Variants in COX10 observed in about 807,000 individuals in gnomAD.
COX10 encodes the protein protoheme IX farnesyltransferase, mitochondrial.
In COX10, 27 loss-of-function variants were observed where a neutral mutation model predicts 37.3. The ratio of observed to expected loss-of-function variants is 0.72; its 90% CI spans 0.53 to 1.00. COX10 has a LOEUF of 1.00. Among genes scored for constraint, COX10 ranks in the 50% least tolerant of loss-of-function variants. The pLI, the probability that COX10 is intolerant of heterozygous loss-of-function variation, is 0.00. For missense variants in COX10, 475 were observed against 563.2 expected (o/e 0.84, Z 1.59); for synonymous variants, 222 against 229.1 (o/e 0.97, Z 0.28).
chr17:14,164,183 T>C (rs1180278125), intron 5 of COX10, among the ~76,000 whole-genome samples: 2 of 152,246 alleles, frequency 1.3e-5, no homozygotes, highest in Non-Finnish European at 2.9e-5. Context: ...TGTCCCATCA[T>C]GGTTTTTGAG....
At chr17:14,117,715 A>G (rs1227808366) in intron 4 of COX10, among the ~76,000 whole-genome samples, 1 of 152,076 alleles carries the variant, frequency 6.6e-6, no homozygotes, top group South Asian at 2.1e-4. Flanking sequence ...AGCTCCTGAA[A>G]CCCAAGTGGG....
chr17:14,101,640 A>T (rs948790046), intron 3 of COX10, among the ~76,000 whole-genome samples: 1 of 152,136 alleles, frequency 6.6e-6, no homozygotes. Flanking sequence ...ATCATCTCTT[A>T]TAGGCAAGAC....
At chr17:14,148,999 A>G (rs1597522141) in intron 4 of COX10, among the ~76,000 whole-genome samples, 2 of 148,324 alleles carry the variant, frequency 1.3e-5, no homozygotes, top group African/African-American at 4.9e-5. Flanking sequence ...TTGTTAGTCT[A>G]TAACATATAT....
intron 4 of COX10, among the ~76,000 whole-genome samples, chr17:14,124,834 A>G (rs141585235): frequency 1.1e-3 from 160 of 152,292 alleles, no homozygotes; most frequent in African/African-American, 3.7e-3. Flanking sequence ...GAATGTTCAC[A>G]TGTTGGATCT....
At chr17:14,152,777 A>T (rs1443955314) in intron 4 of COX10, among the ~76,000 whole-genome samples, 1 of 152,210 alleles carries the variant, frequency 6.6e-6, no homozygotes, top group Non-Finnish European at 1.5e-5. Context: ...CATGACCTAC[A>T]GAAGAGCTTG....
chr17:14,168,698 T>G (rs1404778520), intron 5 of COX10, among the ~76,000 whole-genome samples: 1 of 152,216 alleles, frequency 6.6e-6, no homozygotes, highest in Non-Finnish European at 1.5e-5. Context: ...AGCTGTACCT[T>G]GGCTCTTTTT....
intron 5 of COX10, among the ~76,000 whole-genome samples, chr17:14,190,522 C>T (rs1262848124): frequency 1.3e-5 from 2 of 152,114 alleles, no homozygotes; most frequent in Non-Finnish European, 1.5e-5. Flanking sequence ...GCAACATACC[C>T]CTTATATTTT....
At chr17:14,145,295 G>A (rs1422347882) in intron 4 of COX10, among the ~76,000 whole-genome samples, 1 of 152,174 alleles carries the variant, frequency 6.6e-6, no homozygotes, top group African/African-American at 2.4e-5. Context: ...CACATTTGAA[G>A]TTTGTGGTTG....
At chr17:14,193,071 A>G (rs915271831) in intron 6 of COX10, among the ~76,000 whole-genome samples, 5 of 152,224 alleles carry the variant, frequency 3.3e-5, no homozygotes, top group African/African-American at 1.2e-4. Context: ...AATATCCTGT[A>G]AATGTCAGAT....
At chr17:14,162,428 C>T (rs1308984594) in intron 5 of COX10, among the ~76,000 whole-genome samples, 1 of 152,164 alleles carries the variant, frequency 6.6e-6, no homozygotes, top group Admixed American at 6.5e-5. Flanking sequence ...CCAGGGACCT[C>T]CTGAACCAAA....
At chr17:14,143,594 C>T (rs1037092680) in intron 4 of COX10, among the ~76,000 whole-genome samples, 2 of 151,902 alleles carry the variant, frequency 1.3e-5, no homozygotes, top group Non-Finnish European at 2.9e-5. Context: ...GCTATTATCT[C>T]CTCTCTGACC....
At chr17:14,095,701 T>A (rs1915633993) in intron 3 of COX10, among the ~76,000 whole-genome samples, 1 of 152,176 alleles carries the variant, frequency 6.6e-6, no homozygotes, top group South Asian at 2.1e-4. Context: ...ACTGTTCTCA[T>A]CTGGGGCTTA....
intron 5 of COX10, chr17:14,177,205 A>G: frequency 1.4e-6 from 1 of 717,290 alleles, no homozygotes; most frequent in Admixed American, 1.9e-5. Context: ...TGCCTCCGTC[A>G]CTGTTCTAGG....
At chr17:14,092,636 C>G (rs767163223) in intron 3 of COX10, among the ~76,000 whole-genome samples, 1 of 152,086 alleles carries the variant, frequency 6.6e-6, no homozygotes, top group Non-Finnish European at 1.5e-5. Flanking sequence ...TCTGATATGT[C>G]TCTTGAGAAG....
At chr17:14,097,648 T>C (rs879327005) in intron 3 of COX10, among the ~76,000 whole-genome samples, 1 of 152,152 alleles carries the variant, frequency 6.6e-6, no homozygotes, top group Non-Finnish European at 1.5e-5. Context: ...ATTAACAGTT[T>C]TCCTGTCATG....
intron 4 of COX10, among the ~76,000 whole-genome samples, chr17:14,113,184 AG>A (rs1257475351): frequency 6.6e-6 from 1 of 152,198 alleles, no homozygotes; most frequent in East Asian, 1.9e-4. Context: ...CAGTTGACCT[AG>A]TCATGCTCCT....
At chr17:14,077,709 C>A (rs894604682) in intron 3 of COX10, among the ~76,000 whole-genome samples, 1 of 152,114 alleles carries the variant, frequency 6.6e-6, no homozygotes, top group African/African-American at 2.4e-5. Flanking sequence ...CTGGGCTAAC[C>A]CTGTTTAGAA....
Position 14,115,215 on chromosome 17 carries a change from T to TA in COX10, c.624+12978dup, listed in dbSNP as rs568011961. On this transcript the variant is annotated intron_variant, in intron 4 of 6. Transcript: ENST00000261643. ...CTGCAAATTCATCAGATCTGTCATT[T>TA]AAAAATGAAACTACATTTTACGATG... 2.8e-3 allele frequency among the ~76,000 whole-genome samples: 426 copies of TA among 152,304 alleles called. 1 individual carries two copies. The highest frequency in any genetic ancestry group is 6.8e-3 in the Middle Eastern group (2 of 294).
At chr17:14,164,367 G>A (rs1205574991) in intron 5 of COX10, among the ~76,000 whole-genome samples, 1 of 152,214 alleles carries the variant, frequency 6.6e-6, no homozygotes, top group Non-Finnish European at 1.5e-5. Context: ...ACTGTCATTA[G>A]TATACCTGAG....
Sources: gnomAD v4.1 joint callset for allele counts (sites outside exome capture counted in the v4.1 genomes callset) on GRCh38, gnomAD v4.1.1 for gene constraint, MANE v1.5 for transcripts, NCBI Gene and HGNC (gene_info 2026-07-23, HGNC 2026-07-21) for gene names.